The following CDYL2 variants were observed in gnomAD, a reference collection of about 807,000 sequenced individuals.
CDYL2 encodes chromodomain Y-like protein 2.
In CDYL2, 23 loss-of-function variants were observed where a neutral mutation model predicts 49.4. The observed-to-expected ratio is 0.47, with a 90% confidence interval of 0.34 to 0.66. CDYL2 has a LOEUF of 0.66. Ranked by LOEUF, CDYL2 falls within the 30% of genes least tolerant of loss-of-function variation. The pLI, the probability that CDYL2 is intolerant of heterozygous loss-of-function variation, is 0.01. For missense variants in CDYL2, 678 were observed against 656.4 expected, an observed-to-expected ratio of 1.03 and a Z score of -0.36; for synonymous variants, 360 against 268.8, an observed-to-expected ratio of 1.34 and a Z score of -3.32.
intron 1 of CDYL2, among the ~76,000 whole-genome samples, chr16:80,723,935 A>G (rs1461840596): frequency 2.0e-5 from 3 of 150,196 alleles, no homozygotes; most frequent in Non-Finnish European, 3.0e-5. Context: ...GTGGAGAAGA[A>G]GAGGAAGAGG....
At chr16:80,768,248 A>G (rs1906790967) in intron 1 of CDYL2, among the ~76,000 whole-genome samples, 1 of 152,042 alleles carries the variant, frequency 6.6e-6, no homozygotes, top group Non-Finnish European at 1.5e-5. Flanking sequence ...ATTCCCCTCC[A>G]TTCCCTCTCT....
intron 2 of CDYL2, among the ~76,000 whole-genome samples, chr16:80,663,260 G>C (rs1013265468): frequency 6.6e-6 from 1 of 151,172 alleles, no homozygotes; most frequent in East Asian, 2.0e-4. Flanking sequence ...GAGCACTTCC[G>C]GTCATCAATC....
chr16:80,674,301 G>A (rs1238007344), intron 2 of CDYL2, among the ~76,000 whole-genome samples: 1 of 151,932 alleles, frequency 6.6e-6, no homozygotes, highest in Non-Finnish European at 1.5e-5. Context: ...TAGAAATGGG[G>A]GCTGTCGAGG....
At chr16:80,693,252 A>T (rs1250715241) in intron 1 of CDYL2, among the ~76,000 whole-genome samples, 1 of 152,248 alleles carries the variant, frequency 6.6e-6, no homozygotes, top group African/African-American at 2.4e-5. Flanking sequence ...TCACTTTTAC[A>T]CTGAAAATGT....
rs1906483807 is a variant in CDYL2 at position 80,760,360 on chromosome 16, GATGGGGATAGTTA to G, written c.24+43777_24+43789del. Among the ~76,000 whole-genome samples the G allele has an allele frequency of 2.0e-5, 3 of 152,186 alleles. 1 individual carries two copies. In the South Asian group the frequency reaches 6.2e-4, roughly 32 times the overall value. Reference sequence around the variant, plus strand: ...AAGGGTAGTGGGGGGTTGGAGGGGAGATGGGGATAGTTAATGAGTACAAAAAAAATAGAATGAA... The same window carrying G: ...AAGGGTAGTGGGGGGTTGGAGGGGAGATGAGTACAAAAAAAATAGAATGAA... On this transcript the variant is annotated intron_variant, in intron 1 of 6. Transcript: ENST00000570137.
chr16:80,797,993 A>G (rs1013334827), intron 1 of CDYL2, among the ~76,000 whole-genome samples: 1 of 152,174 alleles, frequency 6.6e-6, no homozygotes, highest in Admixed American at 6.5e-5. Context: ...TGAATTGTGC[A>G]GGGGTTTGTC....
intron 1 of CDYL2, among the ~76,000 whole-genome samples, chr16:80,777,970 A>C (rs1224684265): frequency 1.3e-5 from 2 of 152,036 alleles, no homozygotes; most frequent in Non-Finnish European, 2.9e-5. Flanking sequence ...AATAAAAAAA[A>C]ATGTATTATC....
intron 2 of CDYL2, among the ~76,000 whole-genome samples, chr16:80,642,249 A>C (rs4889184): frequency 0.1 from 15,223 of 152,048 alleles, 837 homozygotes; most frequent in South Asian, 0.18. Flanking sequence ...TCGTGACCAG[A>C]CTGGCCAAAG....
At chr16:80,687,434 A>G (rs1345050405) in intron 1 of CDYL2, among the ~76,000 whole-genome samples, 1 of 151,928 alleles carries the variant, frequency 6.6e-6, no homozygotes, top group East Asian at 1.9e-4. Context: ...GGATAGATGG[A>G]TGGTGGGATG....
intron 1 of CDYL2, among the ~76,000 whole-genome samples, chr16:80,777,192 G>A (rs1392100192): frequency 1.6e-4 from 25 of 152,212 alleles, no homozygotes; most frequent in East Asian, 9.7e-4. Flanking sequence ...TTGGGGAGAC[G>A]GAAGGAGTAC....
chr16:80,742,828 G>A lies in CDYL2; in HGVS notation c.25-57699C>T, dbSNP rs558210438. 1.3e-4 allele frequency among the ~76,000 whole-genome samples: 20 copies of A among 149,290 alleles called. No individual in the cohort carries two copies. The South Asian group carries it at 3.9e-3, about 29-fold the overall frequency. ...TAGACAGATGTAAAATGAAAGACTG[G>A]GTGGTTGAGTGGATAAATGAGTGGA... On this transcript the variant is annotated intron_variant, in intron 1 of 6. Coordinates refer to ENST00000570137, the MANE Select transcript of CDYL2 (RefSeq NM_152342.4).
chr16:80,712,443 T>G (rs1472597215), intron 1 of CDYL2, among the ~76,000 whole-genome samples: 2 of 152,008 alleles, frequency 1.3e-5, no homozygotes, highest in African/African-American at 4.8e-5. Flanking sequence ...CTGCTCTCCA[T>G]GTCGGCTGCG....
intron 1 of CDYL2, among the ~76,000 whole-genome samples, chr16:80,721,307 A>G (rs1904990879): frequency 6.6e-6 from 1 of 152,192 alleles, no homozygotes; most frequent in African/African-American, 2.4e-5. Context: ...TTTGATACCT[A>G]AGAAAACCGA....
rs1400909507 is a variant in CDYL2 at position 80,601,763 on chromosome 16, T to G, written c.*2625A>C. 1.3e-5 allele frequency: 2 copies of G among 152,178 alleles called. No individual in the cohort carries two copies. Among genetic ancestry groups the G allele is most frequent in the Non-Finnish European group, 2.9e-5 (2 of 68,040 alleles). The allele number at this position is 152,178 out of a possible 1,614,324, so 9.4% of individuals were successfully genotyped here. Reference sequence around the variant, plus strand: ...CACCCAATTGGTGGAACTGACTGTATGGAAACAACCAAAATACAGACTTTC... The same window carrying G: ...CACCCAATTGGTGGAACTGACTGTAGGGAAACAACCAAAATACAGACTTTC... On this transcript the variant is annotated 3_prime_UTR_variant, in exon 7 of 7. Coordinates refer to ENST00000570137, the MANE Select transcript of CDYL2 (RefSeq NM_152342.4).
chr16:80,634,042 A>C (rs1242863862), intron 2 of CDYL2, among the ~76,000 whole-genome samples: 3 of 152,008 alleles, frequency 2.0e-5, no homozygotes, highest in African/African-American at 7.3e-5. Flanking sequence ...AAGAGGCTCA[A>C]ATGTGTATTT....
intron 1 of CDYL2, among the ~76,000 whole-genome samples, chr16:80,791,746 A>G (rs866751721): frequency 6.6e-6 from 1 of 152,248 alleles, no homozygotes; most frequent in Non-Finnish European, 1.5e-5. Context: ...ACATGCTGTA[A>G]CCAGAGAAAT....
chr16:80,783,632 A>T (rs1054705321), intron 1 of CDYL2, among the ~76,000 whole-genome samples: 2 of 152,224 alleles, frequency 1.3e-5, no homozygotes, highest in Non-Finnish European at 2.9e-5. Flanking sequence ...GTATATTCAA[A>T]ATACCACGAA....
At chr16:80,619,254 A>G (rs1798104949) in intron 4 of CDYL2, among the ~76,000 whole-genome samples, 2 of 152,172 alleles carry the variant, frequency 1.3e-5, no homozygotes, top group Non-Finnish European at 2.9e-5. Flanking sequence ...ACTTAATCAC[A>G]TCTGCAAAGA....
At position 80,761,691 on chromosome 16, in the gene CDYL2, T is replaced by G. The variant is rs188772765; in HGVS notation, c.24+42459A>C. ...GACTTAGATGTGAAAGCCCTAACTTTAGAAAACTAAAACATATTTTGAGAT... is the reference window on the plus strand; with the variant it reads ...GACTTAGATGTGAAAGCCCTAACTTGAGAAAACTAAAACATATTTTGAGAT... On this transcript the variant is annotated intron_variant, in intron 1 of 6. Transcript: ENST00000570137. Among the ~76,000 whole-genome samples, 30 of 149,502 alleles carry G rather than the reference T, an allele frequency of 2.0e-4. 1 individual carries two copies. The East Asian group carries it at 5.6e-3, about 28-fold the overall frequency.
Sources: gnomAD v4.1 joint callset for allele counts (sites outside exome capture counted in the v4.1 genomes callset) on GRCh38, gnomAD v4.1.1 for gene constraint, MANE v1.5 for transcripts, NCBI Gene and HGNC (gene_info 2026-07-23, HGNC 2026-07-21) for gene names.